The following MYO18B variants were observed in gnomAD, a reference collection of about 807,000 sequenced individuals.
MYO18B encodes myosin XVIIIB.
A neutral mutation model predicts 273.0 loss-of-function variants in MYO18B; 204 were observed. The ratio of observed to expected loss-of-function variants is 0.75; its 90% CI spans 0.67 to 0.84. The LOEUF is 0.84. MYO18B is among the 40% of genes least tolerant of loss of function. MYO18B has a pLI of 0.00. For missense variants in MYO18B, 3,212 were observed against 3,287.6 expected, an observed-to-expected ratio of 0.98 and a Z score of 0.56; for synonymous variants, 1,330 against 1,305.7, an observed-to-expected ratio of 1.02 and a Z score of -0.40.
At chr22:25,853,636 A>C (rs1477543300) in intron 21 of MYO18B, among the ~76,000 whole-genome samples, 1 of 152,114 alleles carries the variant, frequency 6.6e-6, no homozygotes, top group African/African-American at 2.4e-5. Context: ...CTGTGGTTGA[A>C]AATGGTGCAG....
the MYO18B span, among the ~76,000 whole-genome samples, chr22:26,054,431 T>G: frequency 6.6e-6 from 1 of 152,144 alleles, no homozygotes; most frequent in Admixed American, 6.5e-5. Context: ...CCTGTTACTA[T>G]GATTAATTTG....
At chr22:26,024,224 A>T (rs922113942) in intron 42 of MYO18B, among the ~76,000 whole-genome samples, 1 of 152,204 alleles carries the variant, frequency 6.6e-6, no homozygotes, top group African/African-American at 2.4e-5. Flanking sequence ...ACCATTTATT[A>T]TTGGTTATAA....
rs1174194165 is a variant in MYO18B, at chr22:25,876,310, C to T, written c.4202C>T (p.Thr1401Ile). 1.4e-5 allele frequency: 22 copies of T among 1,612,730 alleles called. No individual in the cohort carries two copies. The highest frequency in any genetic ancestry group is 1.9e-5 in the Non-Finnish European group (22 of 1,179,230). The change falls in exon 24 of 44, where the codon ACT becomes ATT. Residue 1401 changes from threonine to isoleucine, a missense_variant. By Grantham distance (89) the Thr-to-Ile change is moderately conservative. Transcript: ENST00000335473. ...CCTCTACTTAGTGCCACCATTGGAA[C>T]TGAGCAGCTCCGAGCCAAGGAGGTC... ...LQPLLSATIG[T>I]EQLRAKEEEL...
At chr22:26,003,353 C>T (rs371471532) in intron 41 of MYO18B, 44 bp downstream of exon 41, 14 of 1,558,020 alleles carry the variant, frequency 9.0e-6, no homozygotes, top group Non-Finnish European at 1.2e-5. Context: ...CAAGGGTGAG[C>T]CCCTGGCTCT....
In MYO18B at chr22:25,768,433, C is replaced by A; in HGVS notation, c.517C>A (p.His173Asn). ...DSAKPEKTHPHDAPPCKTSPP... is the reference protein window; with the variant it reads ...DSAKPEKTHPNDAPPCKTSPP... The stretch of plus-strand genomic sequence containing the variant: ...AGCCAAGCCAGAGAAGACTCATCCC[C>A]ATGACGCCCCCCCTTGCAAGACCTC... Residue 173 changes from histidine (H) to asparagine (N), a missense_variant, in exon 4 of 44, where the codon CAT (histidine) becomes AAT (asparagine). Coordinates refer to ENST00000335473, the MANE Select transcript of MYO18B (RefSeq NM_032608.7). 3.7e-6 allele frequency: 6 copies of A among 1,612,830 alleles called. No individual in the cohort carries two copies. The highest frequency in any genetic ancestry group is 5.1e-6 in the Non-Finnish European group (6 of 1,179,460).
Position 26,027,880 on chromosome 22 carries a change from C to G in MYO18B, c.*12+190C>G. The G allele has an allele frequency of 1.7e-6, 1 of 585,236 alleles. No individual in the cohort carries two copies. Among genetic ancestry groups the G allele is most frequent in the Non-Finnish European group, 2.9e-6 (1 of 339,416 alleles). The allele number at this position is 585,236 out of a possible 1,614,324, so 36.3% of individuals were successfully genotyped here. ...TTCAGAACCCCTCTGCTGGGTACCTCTACTTCCTTGTACTTTGAAATGCAG... is the reference window on the plus strand; with the variant it reads ...TTCAGAACCCCTCTGCTGGGTACCTGTACTTCCTTGTACTTTGAAATGCAG... On this transcript the variant is annotated intron_variant, in intron 43 of 43. Coordinates refer to ENST00000335473, the MANE Select transcript of MYO18B (RefSeq NM_032608.7). This position sits in a 1 kb window ranked among gnomAD's most constrained non-coding sequence, Gnocchi z 4.1.
chr22:25,974,338 T>A (rs1264373301), intron 39 of MYO18B, among the ~76,000 whole-genome samples: 1 of 152,210 alleles, frequency 6.6e-6, no homozygotes, highest in East Asian at 1.9e-4. Flanking sequence ...CTTATTAAAT[T>A]GAACCATATG....
intron 41 of MYO18B, 126 bp downstream of exon 41, chr22:26,003,435 C>G (rs1934158091): frequency 1.2e-6 from 1 of 807,910 alleles, no homozygotes; most frequent in Admixed American, 2.0e-5. Flanking sequence ...GAGACTAATG[C>G]CTTCATGGTC....
rs749877664 is a variant in MYO18B at position 25,847,665 on chromosome 22, T to C, written c.3775+13T>C. 1 of 1,540,940 alleles carries C rather than the reference T, an allele frequency of 6.5e-7. No individual in the cohort carries two copies. The highest frequency in any genetic ancestry group is 1.2e-5 in the South Asian group (1 of 83,828). ...CTGCATAGGACAGGTAAGAGACAGC[T>C]AGGACACAGCACCTTGTCTCTGACT... On this transcript the variant is annotated intron_variant, in intron 20 of 43. Transcript: ENST00000335473.
At chr22:25,923,267 C>T (rs1429415957) in intron 34 of MYO18B, among the ~76,000 whole-genome samples, 2 of 152,238 alleles carry the variant, frequency 1.3e-5, no homozygotes, top group African/African-American at 4.8e-5. Context: ...TCAAATCATT[C>T]TCTTCTAGGG....
chr22:25,760,973 CTG>C lies in MYO18B; in HGVS notation c.-109-5_-109-4del, dbSNP rs926907769. The C allele has an allele frequency of 1.5e-5, 17 of 1,104,954 alleles. No homozygotes were observed. Among genetic ancestry groups the C allele is most frequent in the Non-Finnish European group, 2.3e-5 (17 of 731,766 alleles). The allele number at this position is 1,104,954 out of a possible 1,614,324, so 68.4% of individuals were successfully genotyped here. On this transcript the variant is annotated splice_polypyrimidine_tract_variant and intron_variant, in intron 1 of 43. Coordinates refer to ENST00000335473, the MANE Select transcript of MYO18B (RefSeq NM_032608.7). ...TCTCTCTTCTCTCCCCACTGTGTCC[CTG>C]TGTGTCAGTTCTGTGTCCATCTCAT... is the stretch of plus-strand genomic sequence containing the variant.
Position 25,948,463 on chromosome 22 carries a change from T to TTCCTTCC in MYO18B, c.5748+636_5748+637insCCTTCCT, listed in dbSNP as rs1569225382. Among the ~76,000 whole-genome samples, 17 of 118,552 alleles carry TTCCTTCC rather than the reference T, an allele frequency of 1.4e-4. No homozygotes were observed. The East Asian group carries it at 3.7e-3, about 26-fold the overall frequency. 77.8% of individuals were successfully genotyped at this position (118,552 alleles called of 152,430 possible). On this transcript the variant is annotated intron_variant, in intron 36 of 43. Transcript: ENST00000335473. Reference sequence around the variant, plus strand: ...CCTTCCTTCCTTCCTTCCTTCCTTCTTTCTTTCTTTCTTTCTTTCTTTCTC... The same window carrying TTCCTTCC: ...CCTTCCTTCCTTCCTTCCTTCCTTCTTCCTTCCTTCTTTCTTTCTTTCTTTCTTTCTC...
At chr22:25,938,283 G>A (rs974629408) in intron 34 of MYO18B, among the ~76,000 whole-genome samples, 2 of 152,174 alleles carry the variant, frequency 1.3e-5, no homozygotes, top group African/African-American at 2.4e-5. Flanking sequence ...AGATGGCTTC[G>A]CATAGAGAAG....
intron 34 of MYO18B, among the ~76,000 whole-genome samples, chr22:25,925,860 G>A (rs896807744): frequency 3.0e-4 from 42 of 141,694 alleles, no homozygotes; most frequent in Admixed American, 1.4e-3. Flanking sequence ...AACTGAGATC[G>A]CGCCATTGCA....
intron 36 of MYO18B, among the ~76,000 whole-genome samples, chr22:25,949,551 G>A (rs2092767484): frequency 6.6e-6 from 1 of 152,174 alleles, no homozygotes; most frequent in African/African-American, 2.4e-5. Flanking sequence ...TACCTGCCAC[G>A]CTCTAAATGC....
At position 25,773,565 on chromosome 22, in the gene MYO18B, G is replaced by A. The variant is rs376433251; in HGVS notation, c.1869+1055G>A. 3.5e-4 allele frequency among the ~76,000 whole-genome samples: 53 copies of A among 152,262 alleles called. 1 individual carries two copies. In the East Asian group the frequency reaches 9.7e-3, roughly 28 times the overall value. On this transcript the variant is annotated intron_variant, in intron 7 of 43. Transcript: ENST00000335473. Reference sequence around the variant, plus strand: ...TGCAAGCGCCGCCTCCCGGGTTCACGCCATTCTCCTGCCTCAGCCCCCCGA... The same window carrying A: ...TGCAAGCGCCGCCTCCCGGGTTCACACCATTCTCCTGCCTCAGCCCCCCGA...
chr22:25,942,784 A>T (rs2092659407), intron 34 of MYO18B, among the ~76,000 whole-genome samples: 1 of 152,134 alleles, frequency 6.6e-6, no homozygotes, highest in South Asian at 2.1e-4. Flanking sequence ...CAAAACCATC[A>T]GGGCCAAGAT....
rs746097550 is a variant in MYO18B at position 25,835,364 on chromosome 22, C to G, written c.3129C>G (p.Val1043=). The G allele has an allele frequency of 3.7e-6, 6 of 1,613,928 alleles. No homozygotes were observed. In the Admixed American group the frequency reaches 8.3e-5, roughly 22 times the overall value. Residue 1043 remains valine, a synonymous_variant, in exon 17 of 44, where the codon GTC becomes GTG. Coordinates refer to ENST00000335473, the MANE Select transcript of MYO18B (RefSeq NM_032608.7). The part of the protein sequence containing the change: ...RGLFWVLDEE[V]HVEGSSDSVV... ...TTTTCTGGGTCTTAGATGAGGAAGT[C>G]CATGTAGAGGGCTCCAGTGACAGTG... is the stretch of plus-strand genomic sequence containing the variant.
chr22:25,746,513 C>T (rs1030618719), intron 1 of MYO18B, among the ~76,000 whole-genome samples: 4 of 152,158 alleles, frequency 2.6e-5, no homozygotes, highest in African/African-American at 9.7e-5. Context: ...CTGTCCTTGA[C>T]CCAGTAGATG....
Sources: gnomAD v4.1 joint callset for allele counts (sites outside exome capture counted in the v4.1 genomes callset) on GRCh38, gnomAD v4.1.1 for gene constraint, Gnocchi (gnomAD v3.1) non-coding constraint, MANE v1.5 for transcripts, NCBI Gene and HGNC (gene_info 2026-07-23, HGNC 2026-07-21) for gene names.